ZCCHC7: variants seen among roughly 807,000 people sequenced by gnomAD.
ZCCHC7 encodes the protein zinc finger CCHC-type containing 7, also known as zinc finger CCHC domain-containing protein 7.
ZCCHC7 carries 35 observed loss-of-function variants against 52.0 expected under a neutral mutation model. That is an observed-to-expected ratio of 0.67 (90% confidence interval 0.51 to 0.89). The LOEUF (loss-of-function observed/expected upper bound fraction) is 0.89, where lower values mean the gene tolerates loss of function less well. ZCCHC7 is among the 40% of genes least tolerant of loss of function. The pLI, the probability that ZCCHC7 is intolerant of heterozygous loss-of-function variation, is 0.00. For missense variants in ZCCHC7, 574 were observed against 649.1 expected (o/e 0.88, Z 1.26); for synonymous variants, 217 against 221.5 (o/e 0.98, Z 0.18).
chr9:37,320,674 G>GT (rs2118006789), intron 5 of ZCCHC7, among the ~76,000 whole-genome samples: 1 of 152,274 alleles, frequency 6.6e-6, no homozygotes, highest in African/African-American at 2.4e-5. Context: ...TATTTAAGTT[G>GT]TAAGTATTTT....
chr9:37,209,019 G>A (rs1316960771), intron 2 of ZCCHC7, among the ~76,000 whole-genome samples: 2 of 151,706 alleles, frequency 1.3e-5, no homozygotes, highest in African/African-American at 4.9e-5. Flanking sequence ...GTTTTTACTG[G>A]GGCTGGCATA....
intron 2 of ZCCHC7, among the ~76,000 whole-genome samples, chr9:37,194,798 CAAAG>C (rs1823201718): frequency 1.3e-5 from 2 of 151,994 alleles, no homozygotes; most frequent in Admixed American, 1.3e-4. Context: ...ATCCTGTTGT[CAAAG>C]AATAGCTGAT....
intron 2 of ZCCHC7, among the ~76,000 whole-genome samples, chr9:37,250,502 A>T (rs1466383081): frequency 6.6e-6 from 1 of 151,922 alleles, no homozygotes; most frequent in Admixed American, 6.6e-5. Context: ...AGGTTTCACC[A>T]TGTTGTCCAG....
chr9:37,353,251 A>G (rs1337866978), intron 7 of ZCCHC7, among the ~76,000 whole-genome samples: 2 of 152,202 alleles, frequency 1.3e-5, no homozygotes, highest in Non-Finnish European at 2.9e-5. Flanking sequence ...CAACTGAACC[A>G]ATACCATTAA....
intron 2 of ZCCHC7, chr9:37,186,601 T>C (rs1027799792): frequency 1.2e-5 from 5 of 400,254 alleles, no homozygotes; most frequent in African/African-American, 1.0e-4. Flanking sequence ...TGAAGTTTGC[T>C]TGCATTTTAA....
chr9:37,323,009 C>T (rs929923320), intron 5 of ZCCHC7, among the ~76,000 whole-genome samples: 2 of 152,140 alleles, frequency 1.3e-5, no homozygotes, highest in Non-Finnish European at 2.9e-5. Context: ...AGACTTTATA[C>T]TTATCAACCC....
chr9:37,144,869 T>C (rs986024207), intron 2 of ZCCHC7: 1 of 152,036 alleles, frequency 6.6e-6, no homozygotes, highest in South Asian at 2.1e-4. Flanking sequence ...CCACCCCTTC[T>C]GGAGCAGTTG....
In ZCCHC7 at chr9:37,304,210, C is replaced by T; in HGVS notation, c.677C>T (p.Thr226Ile). Residue 226 changes from threonine (T) to isoleucine (I), a missense_variant, in exon 4 of 9, where the codon ACA becomes ATA. By Grantham distance (89) the Thr-to-Ile change is moderately conservative. Transcript: ENST00000336755. ...DIEAQIANNRTPGRWTQRYYS... is the reference protein window; with the variant it reads ...DIEAQIANNRIPGRWTQRYYS... ...TAGGCCCAGATAGCTAATAACCGAA[C>T]ACCTGGAAGATGGACCCAGCGGTAC... 6.2e-7 allele frequency: 1 copy of T among 1,611,940 alleles called. No homozygotes were observed. The highest frequency in any genetic ancestry group is 8.5e-7 in the Non-Finnish European group (1 of 1,179,216).
intron 5 of ZCCHC7, among the ~76,000 whole-genome samples, chr9:37,322,740 T>G (rs978194266): frequency 6.6e-6 from 1 of 151,508 alleles, no homozygotes; most frequent in South Asian, 2.1e-4. Context: ...AATCTGTATT[T>G]TATTCATTTT....
At chr9:37,337,071 CTGAT>C (rs889958853) in intron 6 of ZCCHC7, among the ~76,000 whole-genome samples, 4 of 152,104 alleles carry the variant, frequency 2.6e-5, no homozygotes, top group African/African-American at 9.7e-5. Context: ...CAAAGCCTGG[CTGAT>C]TAATGAACTT....
intron 5 of ZCCHC7, among the ~76,000 whole-genome samples, chr9:37,325,569 T>C (rs2118107983): frequency 6.6e-6 from 1 of 152,286 alleles, no homozygotes; most frequent in African/African-American, 2.4e-5. Context: ...GACTAGGGAA[T>C]GGTAAAAAGA....
At chr9:37,152,802 C>G (rs1279354970) in intron 2 of ZCCHC7, among the ~76,000 whole-genome samples, 1 of 152,038 alleles carries the variant, frequency 6.6e-6, no homozygotes, top group African/African-American at 2.4e-5. Context: ...TTCTTTTTTC[C>G]CCCCTTCTTC....
chr9:37,278,039 T>G (rs1209017303), intron 2 of ZCCHC7, among the ~76,000 whole-genome samples: 152 of 92,806 alleles, frequency 1.6e-3, no homozygotes, highest in African/African-American at 6.9e-3. Context: ...TGTGTGTGTT[T>G]TGTTTTGTTT....
chr9:37,187,199 G>A (rs973369349), intron 2 of ZCCHC7: 8 of 152,222 alleles, frequency 5.3e-5, no homozygotes, highest in African/African-American at 1.4e-4. Context: ...CTTTTCAACT[G>A]TGGTCTTGAC....
chr9:37,145,778 G>A (rs770800540), intron 2 of ZCCHC7, among the ~76,000 whole-genome samples: 2 of 151,824 alleles, frequency 1.3e-5, no homozygotes, highest in Non-Finnish European at 2.9e-5. Flanking sequence ...AATATTCCTC[G>A]TTTAATAGAT....
At chr9:37,121,296 A>T (rs541185293) in intron 1 of ZCCHC7, among the ~76,000 whole-genome samples, 3 of 152,182 alleles carry the variant, frequency 2.0e-5, no homozygotes, top group Non-Finnish European at 4.4e-5. Flanking sequence ...GAAAGCTCTT[A>T]TTGAAGCTGA....
At chr9:37,276,680 G>T (rs1357754901) in intron 2 of ZCCHC7, among the ~76,000 whole-genome samples, 1 of 152,088 alleles carries the variant, frequency 6.6e-6, no homozygotes, top group Non-Finnish European at 1.5e-5. Flanking sequence ...TTGGAAATTA[G>T]AATCTCATAT....
At chr9:37,175,223 TTAA>T (rs951068708) in intron 2 of ZCCHC7, among the ~76,000 whole-genome samples, 1 of 152,168 alleles carries the variant, frequency 6.6e-6, no homozygotes, top group Admixed American at 6.5e-5. Flanking sequence ...TATAAATACC[TTAA>T]TTATTTAAAG....
rs1473156349 is a variant in ZCCHC7 at position 37,349,507 on chromosome 9, T to G, written c.1083+55T>G. On this transcript the variant is annotated intron_variant, in intron 7 of 8. Transcript: ENST00000336755. ...CATTCTGTTGTCAGGGAGTGTTTTCTGAAAGATGAACTCAAAAAGAATGTA... is the reference window on the plus strand; with the variant it reads ...CATTCTGTTGTCAGGGAGTGTTTTCGGAAAGATGAACTCAAAAAGAATGTA... 4 of 1,505,686 alleles carry G rather than the reference T, an allele frequency of 2.7e-6. No homozygotes were observed. In the African/African-American group the frequency reaches 4.2e-5, roughly 16 times the overall value. The allele number at this position is 1,505,686 out of a possible 1,614,324, so 93.3% of individuals were successfully genotyped here. A position where few individuals can be genotyped will look rare whatever the true frequency, so the allele number is the denominator to read the frequency against.
Sources: gnomAD v4.1 joint callset for allele counts (sites outside exome capture counted in the v4.1 genomes callset) on GRCh38, gnomAD v4.1.1 for gene constraint, MANE v1.5 for transcripts, NCBI Gene and HGNC (gene_info 2026-07-23, HGNC 2026-07-21) for gene names.